The following CLNK variants were observed in gnomAD, a reference collection of about 807,000 sequenced individuals.
CLNK encodes the protein cytokine dependent hematopoietic cell linker, also known as cytokine-dependent hematopoietic cell linker.
In CLNK, 74 loss-of-function variants were observed where a neutral mutation model predicts 68.6. The observed-to-expected ratio is 1.08, with a 90% CI of 0.89 to 1.31. The LOEUF (loss-of-function observed/expected upper bound fraction) is 1.31, where lower values mean the gene tolerates loss of function less well. Ranked by LOEUF, CLNK falls within the 50% of genes most tolerant of loss-of-function variation. The pLI, the probability that CLNK is intolerant of heterozygous loss-of-function variation, is 0.00. For missense variants in CLNK, 553 were observed against 515.3 expected (o/e 1.07, Z -0.71); for synonymous variants, 198 against 172.2 (o/e 1.15, Z -1.17).
intron 2 of CLNK, among the ~76,000 whole-genome samples, chr4:10,616,443 A>G (rs1722228642): frequency 6.6e-6 from 1 of 152,262 alleles, no homozygotes; most frequent in Non-Finnish European, 1.5e-5. Flanking sequence ...CCAATATTGA[A>G]AAGTATTATC....
the CLNK span, among the ~76,000 whole-genome samples, chr4:10,720,488 C>G: frequency 1.3e-5 from 2 of 151,816 alleles, no homozygotes; most frequent in African/African-American, 4.8e-5. Flanking sequence ...ATGAAATGTT[C>G]AACATCATTA....
intron 2 of CLNK, among the ~76,000 whole-genome samples, chr4:10,636,447 G>A (rs774704982): frequency 4.6e-5 from 7 of 152,170 alleles, no homozygotes; most frequent in Non-Finnish European, 5.9e-5. Context: ...AGAGCACATC[G>A]CCCTGCTCAC....
chr4:10,691,593 T>C, the CLNK span, among the ~76,000 whole-genome samples: 2 of 143,954 alleles, frequency 1.4e-5, no homozygotes, highest in Non-Finnish European at 3.1e-5. Flanking sequence ...GAGTGTGACA[T>C]TATCCATAAC....
At chr4:10,726,880 A>G in the CLNK span, among the ~76,000 whole-genome samples, 1 of 152,154 alleles carries the variant, frequency 6.6e-6, no homozygotes, top group Non-Finnish European at 1.5e-5. Flanking sequence ...ATCAAATGGA[A>G]CTGTTGCTAT....
At chr4:10,578,910 C>A (rs1358119498) in intron 4 of CLNK, among the ~76,000 whole-genome samples, 1 of 152,128 alleles carries the variant, frequency 6.6e-6, no homozygotes, top group Non-Finnish European at 1.5e-5. Flanking sequence ...ATAAGATCAG[C>A]ACTGTGTAGC....
At chr4:10,709,072 T>C in the CLNK span, among the ~76,000 whole-genome samples, 1 of 152,200 alleles carries the variant, frequency 6.6e-6, no homozygotes, top group African/African-American at 2.4e-5. Context: ...TAATAAAAGC[T>C]TCATATTAAT....
the CLNK span, among the ~76,000 whole-genome samples, chr4:10,712,084 G>A: frequency 6.6e-6 from 1 of 152,252 alleles, no homozygotes; most frequent in Admixed American, 6.5e-5. Flanking sequence ...CATGTCCAAG[G>A]TATCAAAAGG....
chr4:10,577,344 G>A (rs1720605889), intron 4 of CLNK, among the ~76,000 whole-genome samples: 1 of 152,116 alleles, frequency 6.6e-6, no homozygotes, highest in Non-Finnish European at 1.5e-5. Context: ...GAAAATTGAG[G>A]GGTCTGTGAG....
chr4:10,561,440 C>A (rs1015311585), intron 7 of CLNK, among the ~76,000 whole-genome samples: 5 of 152,110 alleles, frequency 3.3e-5, no homozygotes, highest in Admixed American at 2.0e-4. Context: ...AGGCTTAAAT[C>A]CTGGCATAGT....
intron 8 of CLNK, among the ~76,000 whole-genome samples, chr4:10,546,034 C>T (rs1218521095): frequency 1.3e-5 from 2 of 152,144 alleles, no homozygotes; most frequent in Admixed American, 1.3e-4. Flanking sequence ...GAACTCTAGG[C>T]CTGTGATAAG....
intron 17 of CLNK, among the ~76,000 whole-genome samples, 183 bp downstream of exon 17, chr4:10,507,776 C>T (rs899873798): frequency 1.3e-5 from 2 of 152,170 alleles, no homozygotes; most frequent in Admixed American, 6.6e-5. Context: ...GCCACTGCGC[C>T]CGGCCTGAAA....
chr4:10,705,018 G>A, the CLNK span, among the ~76,000 whole-genome samples: 3 of 152,292 alleles, frequency 2.0e-5, no homozygotes, highest in Admixed American at 1.3e-4. Flanking sequence ...ATGGGTGCAA[G>A]GGAAGTAACT....
intron 2 of CLNK, among the ~76,000 whole-genome samples, chr4:10,624,384 C>T (rs1157568352): frequency 6.6e-6 from 1 of 152,192 alleles, no homozygotes; most frequent in African/African-American, 2.4e-5. Flanking sequence ...GCTCCGCCTC[C>T]TGGGTTCACG....
intron 8 of CLNK, among the ~76,000 whole-genome samples, chr4:10,549,163 G>A (rs935801797): frequency 1.3e-5 from 2 of 152,122 alleles, no homozygotes; most frequent in Admixed American, 6.5e-5. Flanking sequence ...GATTTCAGCC[G>A]CATCAAATAT....
chr4:10,493,931 A>G (rs1290955171), intron 18 of CLNK, among the ~76,000 whole-genome samples: 1 of 152,244 alleles, frequency 6.6e-6, no homozygotes. Flanking sequence ...GAATTGATGC[A>G]TATGCAGTAC....
In CLNK at chr4:10,564,757, C is replaced by A. The variant is rs1427190242; in HGVS notation, c.313G>T (p.Ala105Ser). 6.2e-7 allele frequency: 1 copy of A among 1,611,884 alleles called. No individual in the cohort carries two copies. Among genetic ancestry groups the A allele is most frequent in the Non-Finnish European group, 8.5e-7 (1 of 1,178,040 alleles). ...EYADTHYFKV[A>S]MDTPLPLDTR... is the part of the protein sequence containing the mutation. ...TCTAACGGAAGGGGAGTGTCCATTGCAACCTTGAAATAGTGTGTATCTATG... is the reference window on the plus strand; with the variant it reads ...TCTAACGGAAGGGGAGTGTCCATTGAAACCTTGAAATAGTGTGTATCTATG... The change falls in exon 7 of 19, where the codon GCA becomes TCA. Residue 105 changes from alanine to serine, a missense_variant. Ala to Ser is a moderately conservative substitution (Grantham distance 99). Coordinates refer to ENST00000226951, the MANE Select transcript of CLNK (RefSeq NM_052964.4).
At position 10,489,424 on chromosome 4, in the gene CLNK, G is replaced by C. The variant is rs1398001852; in HGVS notation, c.*1043C>G. ...CCCTCAGACATATGCTTGCCTGAAG[G>C]CTAGTGTAGGATATAATCTGAGCTC... On this transcript the variant is annotated 3_prime_UTR_variant, in exon 19 of 19. Transcript: ENST00000226951. 6.6e-5 allele frequency: 10 copies of C among 152,016 alleles called. No individual in the cohort carries two copies. Among genetic ancestry groups the C allele is most frequent in the South Asian group, 2.1e-4 (1 of 4,808 alleles). 9.4% of individuals were successfully genotyped at this position (152,016 alleles called of 1,614,324 possible).
rs183936859 is a variant in CLNK at position 10,617,515 on chromosome 4, C to T, written c.12-19466G>A. Among the ~76,000 whole-genome samples, 35 of 152,326 alleles carry T rather than the reference C, an allele frequency of 2.3e-4. No individual in the cohort carries two copies. The East Asian group carries it at 2.9e-3, about 13-fold the overall frequency. ...ATGAGCTGCTCATTGGAAATTTCTA[C>T]TTCTGTCATTTTCTGTACTAGACAC... On this transcript the variant is annotated intron_variant, in intron 2 of 18. Transcript: ENST00000226951.
the CLNK span, among the ~76,000 whole-genome samples, chr4:10,691,732 T>G: frequency 6.6e-6 from 1 of 152,190 alleles, no homozygotes; most frequent in East Asian, 1.9e-4. Context: ...TTCCAGGGTC[T>G]CCAAATTGGC....
Sources: allele counts gnomAD v4.1 joint callset (sites outside exome capture counted in the v4.1 genomes callset), GRCh38; gene constraint gnomAD v4.1.1; transcripts MANE v1.5; gene names NCBI Gene and HGNC (gene_info 2026-07-23, HGNC 2026-07-21).